Variants in BMX observed in about 807,000 individuals in gnomAD.
BMX encodes the protein cytoplasmic tyrosine-protein kinase BMX.
In BMX, 31 loss-of-function variants were observed where a neutral mutation model predicts 59.2. The observed-to-expected ratio is 0.52, with a 90% CI of 0.39 to 0.71. The LOEUF (loss-of-function observed/expected upper bound fraction) is 0.71, where lower values mean the gene tolerates loss of function less well. BMX is among the 30% of genes least tolerant of loss of function. The probability of loss-of-function intolerance (pLI) is 0.00; values close to 1 mark genes in which losing one functional copy is unlikely to be tolerated. For synonymous variants in BMX, 185 were observed against 181.0 expected (o/e 1.02, Z -0.18); for missense variants, 474 against 491.7 (o/e 0.96, Z 0.34).
chrX:15,538,618 C>T (rs751443794), intron 14 of BMX, among the ~76,000 whole-genome samples: 20 of 111,715 alleles, frequency 1.8e-4, no homozygotes, highest in Non-Finnish European at 3.4e-4. Context: ...GTTGTACCAT[C>T]GTTATCTTAG....
chrX:15,531,297 C>T, intron 10 of BMX, 31 bp from the exon 11 acceptor site: 1 of 1,095,881 alleles, frequency 9.1e-7, no homozygotes, highest in Non-Finnish European at 1.3e-6. Context: ...AAAATATTTT[C>T]TATTCCTTCT....
chrX:15,516,314 T>C lies in BMX; in HGVS notation c.445+83T>C, dbSNP rs1602332126. ...AAACCTGCCAGAGGCCAGAAGAGCT[T>C]GCCAGAAAACAAGATGTGCCAGATT... On this transcript the variant is annotated intron_variant, in intron 5 of 18. Transcript: ENST00000348343. 2.5e-5 allele frequency: 28 copies of C among 1,125,235 alleles called. No homozygotes were observed. The East Asian group carries it at 8.5e-4, about 34-fold the overall frequency. 92.7% of individuals were successfully genotyped at this position (1,125,235 alleles called of 1,213,427 possible). A position where few individuals can be genotyped will look rare whatever the true frequency, so the allele number is the denominator to read the frequency against.
chrX:15,516,658 G>GA (rs1354794458), intron 5 of BMX, among the ~76,000 whole-genome samples: 1 of 102,568 alleles, frequency 9.7e-6, no homozygotes, highest in Non-Finnish European at 1.9e-5. Flanking sequence ...ATCACAAACT[G>GA]AAAAAACAAC....
intron 17 of BMX, among the ~76,000 whole-genome samples, chrX:15,547,237 T>G (rs937139941): frequency 8.9e-6 from 1 of 112,160 alleles, no homozygotes; most frequent in Admixed American, 9.4e-5. Flanking sequence ...GGCAACACAG[T>G]TAAGACCCTG....
At chrX:15,508,567 A>G in intron 2 of BMX, 76 bp downstream of exon 2, 1 of 816,823 alleles carries the variant, frequency 1.2e-6, no homozygotes, top group Non-Finnish European at 1.7e-6. Flanking sequence ...CTTGATCATA[A>G]TGAAAGAATA....
At chrX:15,537,684 C>T (rs1439288088) in intron 14 of BMX, among the ~76,000 whole-genome samples, 11 of 111,161 alleles carry the variant, frequency 9.9e-5, no homozygotes, top group African/African-American at 3.3e-4. Flanking sequence ...TCAGTACACA[C>T]AAGCTCCCTC....
Position 15,526,976 on chromosome X carries a change from T to C in BMX, c.884+881T>C, listed in dbSNP as rs377371963. Reference sequence around the variant, plus strand: ...ATACCCGTTAATAATAACTTAATTATACATTTTAAAATAACTTAAAGAGTA... The same window carrying C: ...ATACCCGTTAATAATAACTTAATTACACATTTTAAAATAACTTAAAGAGTA... On this transcript the variant is annotated intron_variant, in intron 9 of 18. Coordinates refer to ENST00000348343, the MANE Select transcript of BMX (RefSeq NM_203281.3). Among the ~76,000 whole-genome samples the C allele has an allele frequency of 6.0e-4, 66 of 109,629 alleles. No homozygotes were observed. In the South Asian group the frequency reaches 0.023, roughly 38 times the overall value.
intron 11 of BMX, among the ~76,000 whole-genome samples, chrX:15,533,481 G>C (rs1925182375): frequency 8.9e-6 from 1 of 111,789 alleles, no homozygotes; most frequent in African/African-American, 3.2e-5. Flanking sequence ...TTGCTATACA[G>C]CAACAATTTA....
intron 10 of BMX, among the ~76,000 whole-genome samples, chrX:15,530,597 G>C (rs1925018699): frequency 8.9e-6 from 1 of 111,830 alleles, no homozygotes; most frequent in African/African-American, 3.3e-5. Context: ...TATGGGAGGG[G>C]ACTGCTCACA....
chrX:15,541,317 G>A (rs1925665585), intron 14 of BMX, among the ~76,000 whole-genome samples: 1 of 109,755 alleles, frequency 9.1e-6, no homozygotes, highest in African/African-American at 3.3e-5. Flanking sequence ...TTTTAAAAAG[G>A]GTGCTGGGAA....
Position 15,538,356 on chromosome X carries a change from C to T in BMX, c.1394+1051C>T, listed in dbSNP as rs766045912. Among the ~76,000 whole-genome samples the T allele has an allele frequency of 2.7e-5, 3 of 111,332 alleles. No individual in the cohort carries two copies. In the South Asian group the frequency reaches 1.1e-3, roughly 42 times the overall value. On this transcript the variant is annotated intron_variant, in intron 14 of 18. Coordinates refer to ENST00000348343, the MANE Select transcript of BMX (RefSeq NM_203281.3). ...CTGAAAGTCCTGTGTCCTAGGAAACCTCCCAGCCCCAGGCAAACCAGGACA... is the reference window on the plus strand; with the variant it reads ...CTGAAAGTCCTGTGTCCTAGGAAACTTCCCAGCCCCAGGCAAACCAGGACA...
chrX:15,522,360 G>A lies in BMX; in HGVS notation c.525G>A (p.Arg175=). Reference sequence around the variant, plus strand: ...CCCCTCCAAAGCTGAAGATACCTCGGGCAGTTCCTGTTCTCAAAATGGATG... The same window carrying A: ...CCCCTCCAAAGCTGAAGATACCTCGAGCAGTTCCTGTTCTCAAAATGGATG... ...TFPDRVLKIP[R]AVPVLKMDAP... Residue 175 remains arginine (R), a synonymous_variant, in exon 7 of 19, where the codon CGG becomes CGA. Coordinates refer to ENST00000348343, the MANE Select transcript of BMX (RefSeq NM_203281.3). 8.3e-7 allele frequency: 1 copy of A among 1,211,137 alleles called. No individual in the cohort carries two copies. The highest frequency in any genetic ancestry group is 1.1e-6 in the Non-Finnish European group (1 of 895,281).
chrX:15,512,717 A>G (rs1360192811), intron 4 of BMX, among the ~76,000 whole-genome samples: 1 of 112,456 alleles, frequency 8.9e-6, no homozygotes, highest in Non-Finnish European at 1.9e-5. Context: ...CTTTTCTCCT[A>G]GAGCAGTCAC....
At position 15,504,594 on chromosome X, in the gene BMX, C is replaced by T. The variant is rs772642656; in HGVS notation, c.-10+3654C>T. ...AATCAAGCATGCCAAATAGAACTGC[C>T]GACTTGAACTTCTTACTCTCATGAC... is the stretch of plus-strand genomic sequence containing the variant. On this transcript the variant is annotated intron_variant, in intron 1 of 18. Transcript: ENST00000348343. Among the ~76,000 whole-genome samples the T allele has an allele frequency of 3.2e-3, 357 of 112,148 alleles. 1 individual carries two copies. The highest frequency in any genetic ancestry group is 5.4e-3 in the Non-Finnish European group (288 of 53,204).
intron 14 of BMX, 51 bp from the exon 15 acceptor site, chrX:15,541,931 T>C: frequency 9.3e-7 from 1 of 1,073,070 alleles, no homozygotes. Context: ...TTTCAGTACA[T>C]GTAGAAAATG....
intron 5 of BMX, among the ~76,000 whole-genome samples, chrX:15,517,518 G>A (rs1924217149): frequency 8.9e-6 from 1 of 112,066 alleles, no homozygotes; most frequent in Non-Finnish European, 1.9e-5. Flanking sequence ...CATGTGTTCT[G>A]GGTGCCACAG....
intron 16 of BMX, among the ~76,000 whole-genome samples, chrX:15,544,069 T>G (rs1037928781): frequency 9.0e-6 from 1 of 111,485 alleles, no homozygotes; most frequent in Non-Finnish European, 1.9e-5. Flanking sequence ...TGAGACAAAA[T>G]ATAACTATAA....
rs754164179 is a variant in BMX, at chrX:15,524,234, A to T, written c.753-1054A>T. On this transcript the variant is annotated intron_variant, in intron 7 of 18. Transcript: ENST00000348343. Reference sequence around the variant, plus strand: ...ATACAAAAGCAAGTAAGTTCTCACGATACAGTCTTTGTCATTTGTTCTTTT... The same window carrying T: ...ATACAAAAGCAAGTAAGTTCTCACGTTACAGTCTTTGTCATTTGTTCTTTT... Among the ~76,000 whole-genome samples the T allele has an allele frequency of 9.1e-3, 1,022 of 112,387 alleles. 12 individuals carry two copies. The highest frequency in any genetic ancestry group is 0.031 in the African/African-American group (973 of 31,008).
intron 10 of BMX, 43 bp downstream of exon 10, chrX:15,530,070 G>C: frequency 8.9e-7 from 1 of 1,126,582 alleles, no homozygotes; most frequent in South Asian, 1.9e-5. Flanking sequence ...GAATCTCTTT[G>C]CATTTTGGGG....
Sources: gnomAD v4.1 joint callset for allele counts (sites outside exome capture counted in the v4.1 genomes callset) on GRCh38, gnomAD v4.1.1 for gene constraint, MANE v1.5 for transcripts, NCBI Gene and HGNC (gene_info 2026-07-23, HGNC 2026-07-21) for gene names.